The following NAV2 variants were observed in gnomAD, a reference collection of about 807,000 sequenced individuals.
NAV2 encodes neuron navigator 2.
Under a neutral mutation model 223.2 loss-of-function variants are expected in NAV2, and 54 were observed. The observed-to-expected ratio is 0.24, with a 90% confidence interval of 0.19 to 0.30. The LOEUF (loss-of-function observed/expected upper bound fraction) is 0.30. Among genes scored for constraint, NAV2 ranks in the 10% least tolerant of loss-of-function variants. The pLI, the probability that NAV2 is intolerant of heterozygous loss-of-function variation, is 1.00. For synonymous variants in NAV2, 1,279 were observed against 1,239.3 expected, an observed-to-expected ratio of 1.03 and a Z score of -0.67; for missense variants, 2,806 against 3,147.5, an observed-to-expected ratio of 0.89 and a Z score of 2.60.
At chr11:20,065,248 GAA>G (rs1292040908) in intron 20 of NAV2, among the ~76,000 whole-genome samples, 6 of 152,214 alleles carry the variant, frequency 3.9e-5, no homozygotes, top group African/African-American at 7.2e-5. Context: ...TTTGTTGTCT[GAA>G]AAGAGATCTT....
At chr11:19,459,473 C>T (rs962668923) in intron 1 of NAV2, among the ~76,000 whole-genome samples, 2 of 152,164 alleles carry the variant, frequency 1.3e-5, no homozygotes, top group Non-Finnish European at 2.9e-5. Context: ...TCACTGTGGC[C>T]TGGGGGAGGT....
At chr11:20,006,730 C>T (rs892721491) in intron 11 of NAV2, among the ~76,000 whole-genome samples, 3 of 151,904 alleles carry the variant, frequency 2.0e-5, no homozygotes. Context: ...CACATGCCTG[C>T]AGTCCTAGCT....
rs190174386 is a variant in NAV2 at position 19,389,809 on chromosome 11, C to T, written c.75+38782C>T. On this transcript the variant is annotated intron_variant, in intron 1 of 37. Transcript: ENST00000360655. Reference sequence around the variant, plus strand: ...GCTGGCCTAGGCCTCTTGAACTTCCCTGAAATTCTCTCGCCCAGCCCACAT... The same window carrying T: ...GCTGGCCTAGGCCTCTTGAACTTCCTTGAAATTCTCTCGCCCAGCCCACAT... 6.7e-4 allele frequency among the ~76,000 whole-genome samples: 102 copies of T among 152,310 alleles called. 1 individual carries two copies. In the South Asian group the frequency reaches 7.5e-3, roughly 11 times the overall value.
chr11:19,592,933 C>T (rs569866888), intron 1 of NAV2, among the ~76,000 whole-genome samples: 1 of 152,296 alleles, frequency 6.6e-6, no homozygotes, highest in Non-Finnish European at 1.5e-5. Context: ...AGGTCCCTTT[C>T]ACCTGGTTTT....
chr11:19,859,908 G>T (rs1478250529), intron 3 of NAV2, among the ~76,000 whole-genome samples: 1 of 100,106 alleles, frequency 1.0e-5, no homozygotes, highest in Non-Finnish European at 2.2e-5. Flanking sequence ...GCGGCTGGCC[G>T]GGCAGAGGGG....
intron 1 of NAV2, among the ~76,000 whole-genome samples, chr11:19,619,457 T>G (rs2046915932): frequency 6.6e-6 from 1 of 152,176 alleles, no homozygotes; most frequent in South Asian, 2.1e-4. Context: ...CCATTCTAAC[T>G]GGTGTGAGAT....
chr11:19,557,972 T>A (rs570309521), intron 1 of NAV2, among the ~76,000 whole-genome samples: 2 of 152,100 alleles, frequency 1.3e-5, no homozygotes, highest in Non-Finnish European at 2.9e-5. Flanking sequence ...GGGATGAACG[T>A]TGGGGAGGGA....
chr11:19,459,647 AC>A (rs1309317544), intron 1 of NAV2, among the ~76,000 whole-genome samples: 1 of 152,234 alleles, frequency 6.6e-6, no homozygotes, highest in African/African-American at 2.4e-5. Flanking sequence ...GGGATAATCA[AC>A]CAGTATTCTA....
intron 1 of NAV2, among the ~76,000 whole-genome samples, chr11:19,596,135 CTATTTTA>C (rs1267795257): frequency 6.6e-6 from 1 of 152,146 alleles, no homozygotes; most frequent in Non-Finnish European, 1.5e-5. Context: ...CTCTAAAATT[CTATTTTA>C]TAGGACAATG....
chr11:19,874,906 C>T (rs191200769), intron 4 of NAV2, among the ~76,000 whole-genome samples: 3 of 152,318 alleles, frequency 2.0e-5, no homozygotes, highest in Admixed American at 2.0e-4. Context: ...CCTTTAATCC[C>T]AGCACTTTGG....
chr11:20,115,946 G>C (rs1428834224), intron 37 of NAV2, among the ~76,000 whole-genome samples: 1 of 152,062 alleles, frequency 6.6e-6, no homozygotes, highest in Non-Finnish European at 1.5e-5. Flanking sequence ...GCCAATAACA[G>C]TAGTATTTCT....
chr11:19,854,929 C>A (rs1235064583), intron 3 of NAV2, among the ~76,000 whole-genome samples: 2 of 152,092 alleles, frequency 1.3e-5, no homozygotes, highest in African/African-American at 4.8e-5. Flanking sequence ...GCAAGGTGGT[C>A]ATGTTTCTCC....
At chr11:19,536,769 G>C (rs2044200991) in intron 1 of NAV2, among the ~76,000 whole-genome samples, 3 of 152,178 alleles carry the variant, frequency 2.0e-5, no homozygotes, top group African/African-American at 7.2e-5. Context: ...TTATCCACTA[G>C]TTCCAGGTTT....
intron 5 of NAV2, among the ~76,000 whole-genome samples, chr11:19,880,382 C>T (rs548404404): frequency 4.6e-4 from 70 of 152,272 alleles, no homozygotes; most frequent in African/African-American, 1.6e-3. Context: ...GCTATTACTC[C>T]GGCCTATTAC....
chr11:19,888,928 C>T (rs963096381), intron 5 of NAV2, among the ~76,000 whole-genome samples: 1 of 152,140 alleles, frequency 6.6e-6, no homozygotes, highest in African/African-American at 2.4e-5. Flanking sequence ...CTGAACTTCA[C>T]GTATTTTACC....
intron 6 of NAV2, among the ~76,000 whole-genome samples, chr11:19,912,091 A>G (rs1417829838): frequency 6.6e-6 from 1 of 152,206 alleles, no homozygotes; most frequent in Non-Finnish European, 1.5e-5. Context: ...TGGTGCTTAC[A>G]TTCTAATTTT....
At chr11:20,035,464 T>A (rs960951060) in intron 11 of NAV2, among the ~76,000 whole-genome samples, 1 of 152,136 alleles carries the variant, frequency 6.6e-6, no homozygotes, top group Non-Finnish European at 1.5e-5. Flanking sequence ...GTTGACAGGT[T>A]TCTCCTAACT....
At chr11:19,564,309 C>T (rs1302900831) in intron 1 of NAV2, among the ~76,000 whole-genome samples, 1 of 152,212 alleles carries the variant, frequency 6.6e-6, no homozygotes, top group African/African-American at 2.4e-5. Context: ...GAATTTTCCC[C>T]CCACTGTGGA....
At chr11:20,024,872 C>T (rs1253904127) in intron 11 of NAV2, among the ~76,000 whole-genome samples, 1 of 152,174 alleles carries the variant, frequency 6.6e-6, no homozygotes, top group Non-Finnish European at 1.5e-5. Flanking sequence ...AGACAGCTGG[C>T]CAATGCCCTG....
Sources: allele counts gnomAD v4.1 joint callset (sites outside exome capture counted in the v4.1 genomes callset), GRCh38; gene constraint gnomAD v4.1.1; transcripts MANE v1.5; gene names NCBI Gene and HGNC (gene_info 2026-07-23, HGNC 2026-07-21).